Variants in HSPA12B observed in about 807,000 individuals in gnomAD.
HSPA12B encodes heat shock protein family A (Hsp70) member 12B, also known as heat shock 70 kDa protein 12B.
HSPA12B carries 54 observed loss-of-function variants against 69.3 expected under a neutral mutation model. The ratio of observed to expected loss-of-function variants is 0.78; its 90% CI spans 0.63 to 0.98. The LOEUF is 0.98. Ranked by LOEUF, HSPA12B falls within the 50% of genes least tolerant of loss-of-function variation. The probability of loss-of-function intolerance (pLI) is 0.00; values close to 1 mark genes in which losing one functional copy is unlikely to be tolerated. For missense variants in HSPA12B, 929 were observed against 999.8 expected (o/e 0.93, Z 0.96); for synonymous variants, 441 against 436.5 (o/e 1.01, Z -0.13).
intron 11 of HSPA12B, among the ~76,000 whole-genome samples, chr20:3,750,448 CAG>C (rs1302695525): frequency 3.9e-5 from 6 of 152,242 alleles, no homozygotes; most frequent in Non-Finnish European, 7.4e-5. Flanking sequence ...TGGGGCAAGA[CAG>C]AGAATCATAG....
chr20:3,732,879 C>T (rs1333571126), intron 1 of HSPA12B, 85 bp downstream of exon 1: 3 of 152,242 alleles, frequency 2.0e-5, no homozygotes, highest in African/African-American at 7.2e-5. Context: ...GCTGAGACCC[C>T]ACCAAAAACC....
chr20:3,749,375 G>A lies in HSPA12B; in HGVS notation c.937+57G>A, dbSNP rs2088367248. On this transcript the variant is annotated intron_variant, in intron 9 of 12. Coordinates refer to ENST00000254963, the MANE Select transcript of HSPA12B (RefSeq NM_052970.5). This position sits in a 1 kb window ranked among gnomAD's most constrained non-coding sequence, Gnocchi z 5.5. ...TGGCCCCTACCGGGCACCATATACT[G>A]ATGGGGGGAAGGGCATGTTTGCAAA... 6.8e-6 allele frequency: 10 copies of A among 1,461,256 alleles called. No individual in the cohort carries two copies. Among genetic ancestry groups the A allele is most frequent in the Non-Finnish European group, 9.5e-6 (10 of 1,053,414 alleles). The allele number at this position is 1,461,256 out of a possible 1,614,324, so 90.5% of individuals were successfully genotyped here. A position where few individuals can be genotyped will look rare whatever the true frequency, so the allele number is the denominator to read the frequency against.
chr20:3,740,735 C>A lies in HSPA12B; in HGVS notation c.44-80C>A, dbSNP rs2088185594. 9.0e-7 allele frequency: 1 copy of A among 1,114,072 alleles called. No homozygotes were observed. The highest frequency in any genetic ancestry group is 1.3e-5 in the South Asian group (1 of 76,228). 69.0% of individuals were successfully genotyped at this position (1,114,072 alleles called of 1,614,324 possible). On this transcript the variant is annotated intron_variant, in intron 2 of 12. Transcript: ENST00000254963. This position sits in a 1 kb window ranked among gnomAD's most constrained non-coding sequence, Gnocchi z 4.9. The stretch of plus-strand genomic sequence containing the variant: ...TAGCCCAGCAAGGACTGATGGAGAA[C>A]CTTTGGGTGCCTGGCTTGGGGCCCC...
rs1568475161 is a variant in HSPA12B at position 3,744,773 on chromosome 20, CTATGGAGCCGACCCA to C, written c.267-126_267-112del. On this transcript the variant is annotated intron_variant, in intron 4 of 12. Coordinates refer to ENST00000254963, the MANE Select transcript of HSPA12B (RefSeq NM_052970.5). This position sits in a 1 kb window ranked among gnomAD's most constrained non-coding sequence, Gnocchi z 4.9. ...GCATTCTTGTGTTTTCTCCTGCTGC[CTATGGAGCCGACCCA>C]TAGCTAGTTCTCCCTGCTCTTTCAC... The C allele has an allele frequency of 9.2e-6, 7 of 763,938 alleles. No individual in the cohort carries two copies. In the East Asian group the frequency reaches 1.8e-4, roughly 20 times the overall value. 47.3% of individuals were successfully genotyped at this position (763,938 alleles called of 1,614,324 possible). A position where few individuals can be genotyped will look rare whatever the true frequency, so the allele number is the denominator to read the frequency against.
In HSPA12B at chr20:3,752,244, G is replaced by A. The variant is rs1168825358; in HGVS notation, c.*78G>A. ...TTCAGGGGCCTGCGGAGCGGGTTGG[G>A]GCGGGGGAAACGATAGTTCTGCAGT... is the stretch of plus-strand genomic sequence containing the variant. On this transcript the variant is annotated 3_prime_UTR_variant, in exon 13 of 13. Coordinates refer to ENST00000254963, the MANE Select transcript of HSPA12B (RefSeq NM_052970.5). 1 of 1,329,104 alleles carries A rather than the reference G, an allele frequency of 7.5e-7. No individual in the cohort carries two copies. The highest frequency in any genetic ancestry group is 9.8e-7 in the Non-Finnish European group (1 of 1,018,804). 82.3% of individuals were successfully genotyped at this position (1,329,104 alleles called of 1,614,324 possible).
chr20:3,750,562 A>G, intron 11 of HSPA12B: 4 of 552,636 alleles, frequency 7.2e-6, no homozygotes, highest in Non-Finnish European at 9.2e-6. Context: ...AAGCAAGGGG[A>G]GGCCCCTCCC....
At chr20:3,734,712 C>T (rs1365392929) in intron 1 of HSPA12B, among the ~76,000 whole-genome samples, 2 of 150,132 alleles carry the variant, frequency 1.3e-5, no homozygotes, top group African/African-American at 2.5e-5. Context: ...TCGGGGAATC[C>T]GTGGGATCCT....
Position 3,740,253 on chromosome 20 carries a change from C to T in HSPA12B, c.44-562C>T, listed in dbSNP as rs372957334. 2.5e-4 allele frequency among the ~76,000 whole-genome samples: 38 copies of T among 152,128 alleles called. No homozygotes were observed. Among genetic ancestry groups the T allele is most frequent in the African/African-American group, 8.9e-4 (37 of 41,414 alleles). On this transcript the variant is annotated intron_variant, in intron 2 of 12. Transcript: ENST00000254963. The surrounding 1 kb of genome is among the most constrained non-coding windows in gnomAD (Gnocchi z 4.9). The stretch of plus-strand genomic sequence containing the variant: ...TGTGGGAGGAGGTGCTCCCCCTCCT[C>T]GATCCTCCTCAAGCAGCCAGCTGGG...
chr20:3,733,066 G>A (rs1003664295), intron 1 of HSPA12B, among the ~76,000 whole-genome samples: 3 of 152,238 alleles, frequency 2.0e-5, no homozygotes, highest in African/African-American at 7.2e-5. Context: ...CTGTGTCTTA[G>A]GGGCTGGCAG....
Position 3,750,110 on chromosome 20 carries a change from A to G in HSPA12B, c.1184A>G (p.Lys395Arg), listed in dbSNP as rs2088386502. 6.2e-7 allele frequency: 1 copy of G among 1,612,312 alleles called. No homozygotes were observed. Among genetic ancestry groups the G allele is most frequent in the Non-Finnish European group, 8.5e-7 (1 of 1,179,714 alleles). ...VDLTIAFEAR[K>R]RTAGPHRAGA... The stretch of plus-strand genomic sequence containing the variant: ...CTGACCATCGCCTTCGAGGCTCGCA[A>G]GCGCACTGCTGGCCCACACCGTGCA... Residue 395 changes from lysine (K) to arginine (R), a missense_variant, in exon 11 of 13, where the codon AAG becomes AGG. Lys to Arg is a conservative substitution (Grantham distance 26). Around this residue, in one of 3 missense-constraint regions of HSPA12B, gnomAD observed 4 missense variants for 16.5 expected, o/e 0.24. Transcript: ENST00000254963.
At chr20:3,736,580 G>T (rs1057010971) in intron 1 of HSPA12B, among the ~76,000 whole-genome samples, 2 of 152,214 alleles carry the variant, frequency 1.3e-5, no homozygotes, top group Non-Finnish European at 2.9e-5. Context: ...GAGAAGGAAT[G>T]CATTGGCCCT....
chr20:3,735,415 T>C (rs1202214886), intron 1 of HSPA12B, among the ~76,000 whole-genome samples: 1 of 151,486 alleles, frequency 6.6e-6, no homozygotes, highest in Non-Finnish European at 1.5e-5. Context: ...GGGAAGAGTA[T>C]AGGCCCATGG....
rs747967042 is a variant in HSPA12B at position 3,752,013 on chromosome 20, C to A, written c.1908C>A (p.Pro636=). 4 of 1,565,488 alleles carry A rather than the reference C, an allele frequency of 2.6e-6. No individual in the cohort carries two copies. The Admixed American group carries it at 7.2e-5, about 28-fold the overall frequency. The change falls in exon 13 of 13, where the codon CCC becomes CCA. Residue 636 remains proline (P), a synonymous_variant. Transcript: ENST00000254963. ...GCGCGCTCAGCCTCGAGCTTGAGCC[C>A]GCCGACTGCGGCCAGGACACCGCCG... ...KCGALSLELE[P]ADCGQDTAGA... is the part of the protein sequence containing the mutation.
At chr20:3,750,290 G>A (rs1336696651) in intron 11 of HSPA12B, 63 bp downstream of exon 11, 2 of 1,472,072 alleles carry the variant, frequency 1.4e-6, no homozygotes, top group African/African-American at 1.4e-5. Flanking sequence ...GTGCACTGGA[G>A]GGTCCCGGGC....
At chr20:3,734,025 C>G (rs1265953998) in intron 1 of HSPA12B, among the ~76,000 whole-genome samples, 2 of 152,178 alleles carry the variant, frequency 1.3e-5, no homozygotes, top group Non-Finnish European at 2.9e-5. Context: ...GGTTGGGCCC[C>G]TGCAAGGTGG....
intron 11 of HSPA12B, among the ~76,000 whole-genome samples, chr20:3,750,491 G>T (rs908129766): frequency 2.0e-4 from 30 of 152,164 alleles, no homozygotes; most frequent in Admixed American, 4.6e-4. Flanking sequence ...TCTCCTCCCA[G>T]CCTTCTCTAC....
Position 3,745,431 on chromosome 20 carries a change from G to A in HSPA12B, c.454-62G>A. 8.5e-7 allele frequency: 1 copy of A among 1,172,396 alleles called. No homozygotes were observed. The highest frequency in any genetic ancestry group is 1.3e-6 in the Non-Finnish European group (1 of 777,874). The allele number at this position is 1,172,396 out of a possible 1,614,324, so 72.6% of individuals were successfully genotyped here. On this transcript the variant is annotated intron_variant, in intron 5 of 12. Coordinates refer to ENST00000254963, the MANE Select transcript of HSPA12B (RefSeq NM_052970.5). The surrounding 1 kb of genome is among the most constrained non-coding windows in gnomAD (Gnocchi z 5.6). ...GGAAACGGGGTGATTTTAAGAGCGA[G>A]GTCGTCAGGAAATGAGTGCCAAGCT...
chr20:3,740,871 G>A lies in HSPA12B; in HGVS notation c.100G>A (p.Glu34Lys). 6.2e-7 allele frequency: 1 copy of A among 1,613,810 alleles called. No individual in the cohort carries two copies. Among genetic ancestry groups the A allele is most frequent in the Non-Finnish European group, 8.5e-7 (1 of 1,179,922 alleles). The change falls in exon 3 of 13, where the codon GAA (glutamate) becomes AAA (lysine). Residue 34 changes from glutamate to lysine, a missense_variant. This residue lies in a region of HSPA12B where 477 missense variants were observed against 535.2 expected (regional missense o/e 0.89). Transcript: ENST00000254963. The surrounding 1 kb of genome is among the most constrained non-coding windows in gnomAD (Gnocchi z 4.9). The part of the protein sequence containing the change: ...PSPPGSPRTQ[E>K]SCGIAPLTPS... ...CCCACCCGGCTCCCCGAGGACCCAG[G>A]AAAGCTGCGGCATTGCCCCCCTCAC...
Position 3,737,975 on chromosome 20 carries a change from C to G in HSPA12B, c.-17-683C>G, listed in dbSNP as rs1422549755. The stretch of plus-strand genomic sequence containing the variant: ...CCAAGATCGTGCCACTGCATTCCAG[C>G]CTGGGCAACAGAGTGAGACCCTGTC... On this transcript the variant is annotated intron_variant, in intron 1 of 12. Coordinates refer to ENST00000254963, the MANE Select transcript of HSPA12B (RefSeq NM_052970.5). This position sits in a 1 kb window ranked among gnomAD's most constrained non-coding sequence, Gnocchi z 4.1. 6.6e-6 allele frequency among the ~76,000 whole-genome samples: 1 copy of G among 152,178 alleles called. No homozygotes were observed. The highest frequency in any genetic ancestry group is 1.5e-5 in the Non-Finnish European group (1 of 68,040).
Sources: allele counts gnomAD v4.1 joint callset (sites outside exome capture counted in the v4.1 genomes callset), GRCh38; gene constraint gnomAD v4.1.1; regional missense constraint gnomAD v4.1.1; non-coding constraint Gnocchi (gnomAD v3.1); transcripts MANE v1.5; gene names NCBI Gene and HGNC (gene_info 2026-07-23, HGNC 2026-07-21).